RBFOX1: variants seen among roughly 807,000 people sequenced by gnomAD.
The protein encoded by RBFOX1 is RNA binding protein fox-1 homolog 1.
Under a neutral mutation model 57.7 loss-of-function variants are expected in RBFOX1, and 8 were observed. The ratio of observed to expected loss-of-function variants is 0.14; its 90% CI spans 0.08 to 0.25. RBFOX1 has a LOEUF of 0.25. Among genes scored for constraint, RBFOX1 ranks in the 10% least tolerant of loss-of-function variants. RBFOX1 has a pLI of 1.00. For synonymous variants in RBFOX1, 326 were observed against 222.4 expected, an observed-to-expected ratio of 1.47 and a Z score of -4.15; for missense variants, 611 against 548.5, an observed-to-expected ratio of 1.11 and a Z score of -1.14.
chr16:6,755,111 A>G (rs963313500), intron 3 of RBFOX1, among the ~76,000 whole-genome samples: 3 of 152,076 alleles, frequency 2.0e-5, no homozygotes, highest in Non-Finnish European at 4.4e-5. Context: ...TCATTGTTGG[A>G]CATTTGGGTT....
At chr16:6,556,552 C>G (rs1348546612) in intron 2 of RBFOX1, among the ~76,000 whole-genome samples, 1 of 152,192 alleles carries the variant, frequency 6.6e-6, no homozygotes, top group Non-Finnish European at 1.5e-5. Flanking sequence ...CAGCCATTCA[C>G]TGGGTATTCC....
rs182521185 is a variant in RBFOX1, at chr16:6,142,368, C to A, written c.-127+122376C>A. ...TCCCGAGTAGCTGGGACTACAGGCG[C>A]CCGCCTCCGCACGTGGCTAATTTTT... On this transcript the variant is annotated intron_variant, in intron 1 of 15. Coordinates refer to ENST00000550418, the MANE Select transcript of RBFOX1 (RefSeq NM_018723.4). Among the ~76,000 whole-genome samples, 43 of 151,630 alleles carry A rather than the reference C, an allele frequency of 2.8e-4. No individual in the cohort carries two copies. The East Asian group carries it at 8.5e-3, about 30-fold the overall frequency.
chr16:7,562,382 G>A (rs2090593790), intron 5 of RBFOX1, among the ~76,000 whole-genome samples: 1 of 152,156 alleles, frequency 6.6e-6, no homozygotes, highest in African/African-American at 2.4e-5. Flanking sequence ...AAGAGGGCAG[G>A]AGTTCTAAGG....
intron 3 of RBFOX1, among the ~76,000 whole-genome samples, chr16:5,646,131 A>T (rs1323295098): frequency 6.7e-6 from 1 of 149,504 alleles, no homozygotes; most frequent in Admixed American, 6.7e-5. Context: ...CCGGGTTTAC[A>T]CTATTCTGCT....
intron 2 of RBFOX1, among the ~76,000 whole-genome samples, chr16:6,507,418 C>G (rs182454729): frequency 1.4e-5 from 2 of 144,864 alleles, no homozygotes; most frequent in African/African-American, 5.1e-5. Flanking sequence ...TGCCTGTAAT[C>G]CCAACACTTT....
intron 1 of RBFOX1, among the ~76,000 whole-genome samples, chr16:6,207,092 A>G (rs1448440313): frequency 6.6e-6 from 1 of 151,648 alleles, no homozygotes; most frequent in Non-Finnish European, 1.5e-5. Flanking sequence ...CATTTTAGCT[A>G]TGACCCCCTG....
intron 4 of RBFOX1, among the ~76,000 whole-genome samples, chr16:7,136,074 T>A (rs968555035): frequency 6.6e-6 from 1 of 152,004 alleles, no homozygotes; most frequent in Non-Finnish European, 1.5e-5. Flanking sequence ...CTGAGCAGAG[T>A]GAAAGACTAA....
intron 2 of RBFOX1, among the ~76,000 whole-genome samples, chr16:6,467,927 G>T (rs2095087237): frequency 6.6e-6 from 1 of 152,152 alleles, no homozygotes; most frequent in African/African-American, 2.4e-5. Context: ...GCCAATAAAG[G>T]GTTAATGGGA....
At chr16:5,909,088 CCCTTTTTT>C (rs2058548891) in intron 4 of RBFOX1, among the ~76,000 whole-genome samples, 1 of 77,584 alleles carries the variant, frequency 1.3e-5, no homozygotes, top group South Asian at 6.9e-4. Flanking sequence ...GACTAAGCCC[CCCTTTTTT>C]TTTTTTTTTT....
intron 3 of RBFOX1, among the ~76,000 whole-genome samples, chr16:5,634,436 CTAAT>C (rs2048618174): frequency 6.6e-6 from 1 of 152,106 alleles, no homozygotes; most frequent in African/African-American, 2.4e-5. Context: ...CTCATTTAAG[CTAAT>C]TAATCATTTT....
chr16:7,137,642 A>T (rs928822914), intron 4 of RBFOX1, among the ~76,000 whole-genome samples: 1 of 152,196 alleles, frequency 6.6e-6, no homozygotes, highest in Non-Finnish European at 1.5e-5. Flanking sequence ...ATACAAAAGG[A>T]AACTTAGAAG....
intron 3 of RBFOX1, among the ~76,000 whole-genome samples, chr16:6,819,659 C>G (rs541425845): frequency 3.5e-5 from 4 of 113,718 alleles, no homozygotes; most frequent in East Asian, 3.1e-4. Flanking sequence ...GAGCCAGGAT[C>G]AAGGCATTGC....
rs147883242 is a variant in RBFOX1 at position 6,046,676 on chromosome 16, A to G, written c.-127+26684A>G. 6.9e-3 allele frequency among the ~76,000 whole-genome samples: 1,058 copies of G among 152,338 alleles called. 7 individuals carry two copies. The highest frequency in any genetic ancestry group is 0.027 in the Middle Eastern group (8 of 294). Reference sequence around the variant, plus strand: ...CAACTTTGGATCCTTCTTGAAATCCATCTTGGCTTTGGATTCTCAGATCTT... The same window carrying G: ...CAACTTTGGATCCTTCTTGAAATCCGTCTTGGCTTTGGATTCTCAGATCTT... On this transcript the variant is annotated intron_variant, in intron 1 of 15. Coordinates refer to ENST00000550418, the MANE Select transcript of RBFOX1 (RefSeq NM_018723.4).
At chr16:5,745,702 G>T (rs1161690102) in intron 3 of RBFOX1, among the ~76,000 whole-genome samples, 1 of 151,814 alleles carries the variant, frequency 6.6e-6, no homozygotes, top group Non-Finnish European at 1.5e-5. Context: ...GTGATGATGA[G>T]CATTTTTTCA....
chr16:5,602,287 A>C (rs2047391522), downstream of RBFOX1, among the ~76,000 whole-genome samples: 2 of 152,162 alleles, frequency 1.3e-5, no homozygotes, highest in South Asian at 4.1e-4. Context: ...TTGGTCTAGC[A>C]ATTACACTTC....
intron 4 of RBFOX1, among the ~76,000 whole-genome samples, chr16:7,496,134 C>T (rs914167341): frequency 1.3e-5 from 2 of 152,070 alleles, no homozygotes; most frequent in Admixed American, 6.6e-5. Context: ...AGTTTCCTCA[C>T]CTTTTTATTT....
intron 2 of RBFOX1, among the ~76,000 whole-genome samples, chr16:6,596,129 G>A (rs1007189257): frequency 2.0e-5 from 3 of 151,994 alleles, no homozygotes; most frequent in African/African-American, 7.2e-5. Flanking sequence ...AATGGATACA[G>A]TCCAATTTAT....
At chr16:7,215,721 C>G (rs2091919277) in intron 4 of RBFOX1, among the ~76,000 whole-genome samples, 1 of 125,518 alleles carries the variant, frequency 8.0e-6, no homozygotes, top group Admixed American at 9.5e-5. Context: ...TTGGCCTATT[C>G]TGGATTTTTT....
chr16:5,397,260 G>T (rs2066585074), intron 1 of RBFOX1, among the ~76,000 whole-genome samples: 1 of 152,186 alleles, frequency 6.6e-6, no homozygotes, highest in South Asian at 2.1e-4. Context: ...CTGGTTTCAT[G>T]GTATCCTCTT....
Sources: gnomAD v4.1 joint callset for allele counts (sites outside exome capture counted in the v4.1 genomes callset) on GRCh38, gnomAD v4.1.1 for gene constraint, MANE v1.5 for transcripts, NCBI Gene and HGNC (gene_info 2026-07-23, HGNC 2026-07-21) for gene names.